Variants in GNA14 observed in about 807,000 individuals in gnomAD.
The protein encoded by GNA14 is guanine nucleotide-binding protein subunit alpha-14.
GNA14 carries 50 observed loss-of-function variants against 42.0 expected under a neutral mutation model. The observed-to-expected ratio is 1.19, with a 90% CI of 0.95 to 1.51. GNA14 has a LOEUF of 1.51. Ranked by LOEUF, GNA14 falls within the 40% of genes most tolerant of loss-of-function variation. The pLI, the probability that GNA14 is intolerant of heterozygous loss-of-function variation, is 0.00. For missense variants in GNA14, 473 were observed against 446.2 expected (o/e 1.06, Z -0.54); for synonymous variants, 173 against 163.1 (o/e 1.06, Z -0.46).
intron 2 of GNA14, among the ~76,000 whole-genome samples, chr9:77,504,451 C>A (rs1191796867): frequency 6.6e-6 from 1 of 151,670 alleles, no homozygotes; most frequent in Non-Finnish European, 1.5e-5. Flanking sequence ...AGGAAAAGCT[C>A]CTAGAAGACT....
At chr9:77,499,865 A>C (rs1159462800) in intron 2 of GNA14, among the ~76,000 whole-genome samples, 3 of 152,000 alleles carry the variant, frequency 2.0e-5, no homozygotes, top group Non-Finnish European at 2.9e-5. Flanking sequence ...AAATAAATAA[A>C]TAAATAAATA....
At chr9:77,531,347 C>T (rs1837526343) in intron 1 of GNA14, among the ~76,000 whole-genome samples, 1 of 152,152 alleles carries the variant, frequency 6.6e-6, no homozygotes, top group African/African-American at 2.4e-5. Flanking sequence ...AGACCACGTG[C>T]CCCTGGGAGC....
chr9:77,543,896 G>C (rs189251066), intron 1 of GNA14, among the ~76,000 whole-genome samples: 1 of 149,748 alleles, frequency 6.7e-6, no homozygotes, highest in African/African-American at 2.6e-5. Flanking sequence ...TCCCATAAGT[G>C]CATTTAAAAG....
chr9:77,629,493 A>G (rs989406260), intron 1 of GNA14, among the ~76,000 whole-genome samples: 5 of 152,222 alleles, frequency 3.3e-5, no homozygotes, highest in South Asian at 2.1e-4. Context: ...ATGCCCACCA[A>G]TGATAGACTG....
Position 77,589,253 on chromosome 9 carries a change from G to A in GNA14, c.124+58417C>T, listed in dbSNP as rs192316471. 5.9e-5 allele frequency among the ~76,000 whole-genome samples: 9 copies of A among 152,278 alleles called. No individual in the cohort carries two copies. In the East Asian group the frequency reaches 1.5e-3, roughly 26 times the overall value. On this transcript the variant is annotated intron_variant, in intron 1 of 6. Transcript: ENST00000341700. ...GCAGGGTCATTTCTAGCTCTGATGG[G>A]CCAGGCCACTTCATTTCCCAGAGCC...
chr9:77,504,307 C>CA (rs553383614), intron 2 of GNA14, among the ~76,000 whole-genome samples: 139 of 152,200 alleles, frequency 9.1e-4, no homozygotes, highest in Non-Finnish European at 2.9e-5. Context: ...TGAGACTATA[C>CA]AAACCAGATC....
intron 1 of GNA14, among the ~76,000 whole-genome samples, chr9:77,536,570 C>T (rs1837602221): frequency 6.6e-6 from 1 of 152,138 alleles, no homozygotes; most frequent in African/African-American, 2.4e-5. Context: ...AGGCTGGTCT[C>T]GAACTTCTGG....
intron 1 of GNA14, among the ~76,000 whole-genome samples, chr9:77,622,402 G>C (rs1823941395): frequency 6.6e-6 from 1 of 152,152 alleles, no homozygotes; most frequent in East Asian, 1.9e-4. Flanking sequence ...ACACAAGTTA[G>C]ACAATGAAGA....
chr9:77,575,299 T>C (rs1041252754), intron 1 of GNA14, among the ~76,000 whole-genome samples: 4 of 152,130 alleles, frequency 2.6e-5, no homozygotes, highest in African/African-American at 7.2e-5. Context: ...GGAGAACAGC[T>C]TGAACCTGGA....
intron 2 of GNA14, among the ~76,000 whole-genome samples, chr9:77,502,629 C>G (rs140170560): frequency 1.3e-3 from 205 of 152,246 alleles, no homozygotes; most frequent in Middle Eastern, 3.4e-3. Flanking sequence ...GCTGAAAGTC[C>G]TGCCTCTCCA....
At chr9:77,565,738 G>A (rs774501764) in intron 1 of GNA14, among the ~76,000 whole-genome samples, 27 of 152,192 alleles carry the variant, frequency 1.8e-4, no homozygotes, top group Non-Finnish European at 3.2e-4. Flanking sequence ...GATTAGAGGC[G>A]TGAGCCACCG....
intron 2 of GNA14, among the ~76,000 whole-genome samples, chr9:77,519,426 A>C (rs561360891): frequency 8.5e-5 from 13 of 152,152 alleles, no homozygotes; most frequent in Non-Finnish European, 1.5e-4. Flanking sequence ...AAGAAAAAAA[A>C]ATTAAAACAA....
chr9:77,578,476 T>A (rs1003591714), intron 1 of GNA14, among the ~76,000 whole-genome samples: 1 of 152,128 alleles, frequency 6.6e-6, no homozygotes. Context: ...GTGCTTCCAA[T>A]ATGAGTCAAC....
chr9:77,538,018 G>C (rs1837617597), intron 1 of GNA14, among the ~76,000 whole-genome samples: 1 of 149,042 alleles, frequency 6.7e-6, no homozygotes, highest in African/African-American at 2.5e-5. Context: ...CATTCAACAA[G>C]TTGTTTTATT....
intron 2 of GNA14, among the ~76,000 whole-genome samples, chr9:77,513,348 C>A (rs1837200231): frequency 6.6e-6 from 1 of 152,226 alleles, no homozygotes; most frequent in Non-Finnish European, 1.5e-5. Context: ...CTTGTGTGAT[C>A]TTGGGAAAGT....
chr9:77,434,432 C>G lies in GNA14; in HGVS notation c.400G>C (p.Asp134His), dbSNP rs147763222. 3.2e-5 allele frequency: 51 copies of G among 1,613,940 alleles called. No individual in the cohort carries two copies. Among genetic ancestry groups the G allele is most frequent in the Non-Finnish European group, 4.3e-5 (51 of 1,179,922 alleles). The change falls in exon 3 of 7, where the codon GAT becomes CAT. Residue 134 changes from aspartate to histidine, a missense_variant. Asp to His is a moderately conservative substitution (Grantham distance 81). Transcript: ENST00000341700. ...TCGTAACACTCCTGGATGCCTGGATCTTGCCAGAGCTGCTTGATGGCCTCC... is the reference window on the plus strand; with the variant it reads ...TCGTAACACTCCTGGATGCCTGGATGTTGCCAGAGCTGCTTGATGGCCTCC... ...QVEAIKQLWQ[D>H]PGIQECYDRR...
intron 1 of GNA14, among the ~76,000 whole-genome samples, chr9:77,600,043 A>T (rs1225562486): frequency 6.6e-6 from 1 of 152,182 alleles, no homozygotes; most frequent in Admixed American, 6.5e-5. Context: ...ATACTTTAAA[A>T]CATCATTTGT....
At chr9:77,484,705 T>C (rs73458029) in intron 2 of GNA14, among the ~76,000 whole-genome samples, 4,427 of 152,202 alleles carry the variant, frequency 0.029, 189 homozygotes, top group African/African-American at 0.095. Context: ...CCAAGCCCTA[T>C]ATATACTGGC....
chr9:77,602,628 T>C (rs1823585227), intron 1 of GNA14, among the ~76,000 whole-genome samples: 1 of 152,130 alleles, frequency 6.6e-6, no homozygotes, highest in Non-Finnish European at 1.5e-5. Flanking sequence ...TTTCCACACT[T>C]CACTTACAAA....
Sources: allele counts gnomAD v4.1 joint callset (sites outside exome capture counted in the v4.1 genomes callset), GRCh38; gene constraint gnomAD v4.1.1; transcripts MANE v1.5; gene names NCBI Gene and HGNC (gene_info 2026-07-23, HGNC 2026-07-21).